UBE4B: variants seen among roughly 807,000 people sequenced by gnomAD.
UBE4B encodes ubiquitination factor E4B.
In UBE4B, 27 loss-of-function variants were observed where a neutral mutation model predicts 148.1. The observed-to-expected ratio is 0.18, with a 90% CI of 0.13 to 0.25. The LOEUF is 0.25. Ranked by LOEUF, UBE4B falls within the 10% of genes least tolerant of loss-of-function variation. The pLI, the probability that UBE4B is intolerant of heterozygous loss-of-function variation, is 1.00. For missense variants in UBE4B, 1,170 were observed against 1,662.4 expected, an observed-to-expected ratio of 0.70 and a Z score of 5.15; for synonymous variants, 596 against 619.3, an observed-to-expected ratio of 0.96 and a Z score of 0.56.
At chr1:10,047,413 C>A (rs965939436) in intron 1 of UBE4B, among the ~76,000 whole-genome samples, 4 of 151,716 alleles carry the variant, frequency 2.6e-5, no homozygotes, top group African/African-American at 9.7e-5. Flanking sequence ...GCATCCCAGT[C>A]CTTAGGAAGG....
chr1:10,134,643 T>C (rs534273233), intron 15 of UBE4B, among the ~76,000 whole-genome samples: 2 of 152,218 alleles, frequency 1.3e-5, no homozygotes, highest in Non-Finnish European at 1.5e-5. Context: ...TGATGAGATA[T>C]ATGTCTTCTC....
Position 10,180,071 on chromosome 1 carries a change from C to A in UBE4B, c.*115C>A. 7.4e-7 allele frequency: 1 copy of A among 1,356,562 alleles called. No individual in the cohort carries two copies. The highest frequency in any genetic ancestry group is 1.0e-6 in the Non-Finnish European group (1 of 966,562). The allele number at this position is 1,356,562 out of a possible 1,614,324, so 84.0% of individuals were successfully genotyped here. The stretch of plus-strand genomic sequence containing the variant: ...TTGGAGGCCAAATGTGGCAAACCAA[C>A]CCCAGGCCCACCCAGAGCGAGCAAA... On this transcript the variant is annotated 3_prime_UTR_variant, in exon 28 of 28. Transcript: ENST00000343090.
Position 10,129,437 on chromosome 1 carries a change from G to C in UBE4B, c.1684G>C (p.Val562Leu). Residue 562 changes from valine to leucine, a missense_variant, in exon 12 of 28, where the codon GTG becomes CTG. By Grantham distance (32) the Val-to-Leu change is conservative. Coordinates refer to ENST00000343090, the MANE Select transcript of UBE4B (RefSeq NM_001105562.3). ...CETKFGKTHP[V>L]CNLVASLRLW... ...AACCAAGTTTGGGAAGACACACCCT[G>C]TGTGCAATTTGGTAAGCACTCACCT... The C allele has an allele frequency of 1.2e-6, 2 of 1,612,154 alleles. No homozygotes were observed. The highest frequency in any genetic ancestry group is 1.7e-6 in the Non-Finnish European group (2 of 1,178,416).
chr1:10,158,043 CTTAAAA>C (rs1646102037), intron 21 of UBE4B, among the ~76,000 whole-genome samples: 1 of 152,080 alleles, frequency 6.6e-6, no homozygotes, highest in Non-Finnish European at 1.5e-5. Flanking sequence ...AAATTAATAA[CTTAAAA>C]TTAGGTGGGG....
intron 21 of UBE4B, among the ~76,000 whole-genome samples, chr1:10,151,867 C>T (rs1645980884): frequency 6.6e-6 from 1 of 151,952 alleles, no homozygotes; most frequent in Non-Finnish European, 1.5e-5. Flanking sequence ...ATGGAATTAT[C>T]TGGTTCATTT....
At chr1:10,056,790 A>T (rs557684243) in intron 1 of UBE4B, among the ~76,000 whole-genome samples, 12 of 152,246 alleles carry the variant, frequency 7.9e-5, no homozygotes, top group Admixed American at 1.3e-4. Flanking sequence ...CACCCATTGC[A>T]CATGGTCTGG....
chr1:10,126,553 G>A (rs1645501800), intron 10 of UBE4B, among the ~76,000 whole-genome samples: 1 of 152,152 alleles, frequency 6.6e-6, no homozygotes, highest in Non-Finnish European at 1.5e-5. Flanking sequence ...GGTCCTGTCA[G>A]AGTATTAGAG....
chr1:10,164,989 C>T (rs1195864718), intron 23 of UBE4B, among the ~76,000 whole-genome samples: 3 of 151,886 alleles, frequency 2.0e-5, no homozygotes, highest in Admixed American at 6.6e-5. Context: ...CTTCAGGCAA[C>T]GAGAAACACT....
intron 1 of UBE4B, among the ~76,000 whole-genome samples, chr1:10,070,314 T>C (rs1557527625): frequency 6.6e-6 from 1 of 151,758 alleles, no homozygotes. Context: ...GAAGACTATA[T>C]TTAACATATA....
chr1:10,043,100 C>G (rs867125140), intron 1 of UBE4B, among the ~76,000 whole-genome samples: 1 of 151,576 alleles, frequency 6.6e-6, no homozygotes, highest in Admixed American at 6.6e-5. Flanking sequence ...ACCTCCGCCT[C>G]GGGGGTTCAA....
At chr1:10,035,389 GTTTTTTTTTTTTT>G (rs533941719) in intron 1 of UBE4B, among the ~76,000 whole-genome samples, 1 of 65,822 alleles carries the variant, frequency 1.5e-5, no homozygotes, top group African/African-American at 6.9e-5. Context: ...CAGAGATACT[GTTTTTTTTTTTTT>G]TTTTTTTTTT....
At chr1:10,119,641 T>A in intron 9 of UBE4B, 28 bp downstream of exon 9, 1 of 1,601,836 alleles carries the variant, frequency 6.2e-7, no homozygotes, top group Non-Finnish European at 8.5e-7. Context: ...GTGCTTGACA[T>A]TAGCAGGCAG....
At chr1:10,132,300 G>T (rs903842435) in intron 14 of UBE4B, 69 bp from the exon 15 acceptor site, 1 of 1,229,570 alleles carries the variant, frequency 8.1e-7, no homozygotes, top group Non-Finnish European at 1.2e-6. Context: ...CTAGCTGTTC[G>T]TGAAGTCAAA....
chr1:10,118,081 A>G (rs780576161), intron 8 of UBE4B, among the ~76,000 whole-genome samples: 22 of 152,174 alleles, frequency 1.4e-4, no homozygotes, highest in South Asian at 4.1e-4. Context: ...GAGATTAAGT[A>G]CTTGTCCAGA....
intron 2 of UBE4B, among the ~76,000 whole-genome samples, chr1:10,088,391 T>G (rs1644795498): frequency 6.6e-6 from 1 of 152,036 alleles, no homozygotes; most frequent in Non-Finnish European, 1.5e-5. Flanking sequence ...TTTATTTTAT[T>G]TTTTTTTGAG....
intron 1 of UBE4B, among the ~76,000 whole-genome samples, chr1:10,062,903 C>A (rs1644313723): frequency 6.6e-6 from 1 of 150,560 alleles, no homozygotes; most frequent in Non-Finnish European, 1.5e-5. Flanking sequence ...TTGCAGTGAT[C>A]CGAGATTGCA....
At chr1:10,035,836 C>T (rs1349342208) in intron 1 of UBE4B, among the ~76,000 whole-genome samples, 1 of 151,258 alleles carries the variant, frequency 6.6e-6, no homozygotes, top group East Asian at 1.9e-4. Context: ...CTCCGCTTCC[C>T]GGGTTCACGC....
At chr1:10,092,557 G>A (rs1463063580) in intron 2 of UBE4B, among the ~76,000 whole-genome samples, 2 of 152,062 alleles carry the variant, frequency 1.3e-5, no homozygotes, top group South Asian at 2.1e-4. Context: ...GCCAGGCACC[G>A]TGGCTTATGC....
At chr1:10,092,347 C>G (rs1216875677) in intron 2 of UBE4B, among the ~76,000 whole-genome samples, 4 of 152,076 alleles carry the variant, frequency 2.6e-5, no homozygotes, top group African/African-American at 4.8e-5. Context: ...GCCTCAGATT[C>G]CCGAGTAGCT....
Sources: gnomAD v4.1 joint callset for allele counts (sites outside exome capture counted in the v4.1 genomes callset) on GRCh38, gnomAD v4.1.1 for gene constraint, MANE v1.5 for transcripts, NCBI Gene and HGNC (gene_info 2026-07-23, HGNC 2026-07-21) for gene names.